The following BPI variants were observed in gnomAD, a reference collection of about 807,000 sequenced individuals.
The protein encoded by BPI is bactericidal permeability-increasing protein.
A neutral mutation model predicts 57.6 loss-of-function variants in BPI; 48 were observed. The ratio of observed to expected loss-of-function variants is 0.83; its 90% CI spans 0.66 to 1.06. The LOEUF (loss-of-function observed/expected upper bound fraction) is 1.06, where lower values mean the gene tolerates loss of function less well. BPI is among the 50% of genes least tolerant of loss of function. The pLI is 0.00. For synonymous variants in BPI, 237 were observed against 238.2 expected (o/e 0.99, Z 0.05); for missense variants, 651 against 609.7 (o/e 1.07, Z -0.71).
chr20:38,331,236 G>A (rs991125439), intron 12 of BPI, 146 bp downstream of exon 12: 44 of 993,520 alleles, frequency 4.4e-5, no homozygotes, highest in Non-Finnish European at 5.2e-5. Flanking sequence ...AAGGAGCTTC[G>A]TGGGCAGAGG....
At chr20:38,325,187 C>G (rs1277536634) in intron 9 of BPI, among the ~76,000 whole-genome samples, 3 of 152,204 alleles carry the variant, frequency 2.0e-5, no homozygotes, top group Admixed American at 2.0e-4. Context: ...AAAATATCAT[C>G]CAGATATCCA....
At chr20:38,336,708 A>G (rs1273445856) in intron 14 of BPI, among the ~76,000 whole-genome samples, 1 of 152,184 alleles carries the variant, frequency 6.6e-6, no homozygotes, top group East Asian at 1.9e-4. Flanking sequence ...CACATACCGC[A>G]TATTCCTCAC....
chr20:38,308,837 G>T, intron 2 of BPI, 93 bp from the exon 3 acceptor site: 1 of 1,500,416 alleles, frequency 6.7e-7, no homozygotes, highest in Non-Finnish European at 9.1e-7. Context: ...ACCAGGTGGT[G>T]GGGGACGAGT....
At chr20:38,317,765 T>C in intron 5 of BPI, 2 of 1,320,322 alleles carry the variant, frequency 1.5e-6, no homozygotes, top group Non-Finnish European at 2.1e-6. Flanking sequence ...GTTTTACAGA[T>C]GAAGAAATAG....
At chr20:38,310,796 G>T (rs2122499667) in intron 4 of BPI, 144 bp downstream of exon 4, 1 of 1,047,348 alleles carries the variant, frequency 9.5e-7, no homozygotes, top group Non-Finnish European at 1.4e-6. Flanking sequence ...GGGGGCCAGG[G>T]GCCCACAGAT....
At position 38,310,531 on chromosome 20, in the gene BPI, T is replaced by C; in HGVS notation, c.415T>C (p.Ser139Pro). The change falls in exon 4 of 15, where the codon TCC becomes CCC. Residue 139 changes from serine to proline, a missense_variant. Ser to Pro is a moderately conservative substitution (Grantham distance 74). Coordinates refer to ENST00000642449, the MANE Select transcript of BPI (RefSeq NM_001725.3). ...GNFDLSIEGM[S>P]ISADLKLGSN... The stretch of plus-strand genomic sequence containing the variant: ...TTTTGACCTGAGCATAGAAGGCATG[T>C]CCATTTCGGCTGATCTGAAGCTGGG... 1 of 1,614,156 alleles carries C rather than the reference T, an allele frequency of 6.2e-7. No homozygotes were observed. The highest frequency in any genetic ancestry group is 8.5e-7 in the Non-Finnish European group (1 of 1,179,996).
At chr20:38,313,048 A>T (rs926286963) in intron 5 of BPI, among the ~76,000 whole-genome samples, 1 of 152,110 alleles carries the variant, frequency 6.6e-6, no homozygotes, top group Non-Finnish European at 1.5e-5. Context: ...AACCTTGAGG[A>T]AATTACTTGA....
In BPI at chr20:38,310,642, A is replaced by G; in HGVS notation, c.526A>G (p.Ser176Gly). The change falls in exon 4 of 15, where the codon AGC becomes GGC. Residue 176 changes from serine to glycine, a missense_variant. By Grantham distance (56) the Ser-to-Gly change is moderately conservative (BLOSUM62 0). Transcript: ENST00000642449. ...INSVHVHISKSKVGWLIQLFH... is the reference protein window; with the variant it reads ...INSVHVHISKGKVGWLIQLFH... ...CAGTGTCCACGTGCACATCTCAAAG[A>G]GCAAAGTGGGGTATGGACTCCCGGG... is the stretch of plus-strand genomic sequence containing the variant. 1 of 1,612,786 alleles carries G rather than the reference A, an allele frequency of 6.2e-7. No individual in the cohort carries two copies.
Position 38,337,138 on chromosome 20 carries a change from C to A in BPI, c.1414-8C>A. Reference sequence around the variant, plus strand: ...TCAACTGGTGACAACATTCTCATCTCTCCCTAGAACTTCCTGCTGTTCGGT... The same window carrying A: ...TCAACTGGTGACAACATTCTCATCTATCCCTAGAACTTCCTGCTGTTCGGT... On this transcript the variant is annotated splice_polypyrimidine_tract_variant and splice_region_variant and intron_variant, in intron 14 of 14. Transcript: ENST00000642449. The A allele has an allele frequency of 6.2e-7, 1 of 1,602,174 alleles. No homozygotes were observed. The highest frequency in any genetic ancestry group is 8.5e-7 in the Non-Finnish European group (1 of 1,175,170).
chr20:38,318,440 T>C lies in BPI; in HGVS notation c.628T>C (p.Ser210Pro), dbSNP rs2076663576. Residue 210 changes from serine to proline, a missense_variant, in exon 6 of 15, where the codon TCC (serine) becomes CCC (proline). Physicochemically the swap from Ser to Pro is moderately conservative, Grantham distance 74. Coordinates refer to ENST00000642449, the MANE Select transcript of BPI (RefSeq NM_001725.3). ...QVCEKVTNSVSSELQPYFQTL... is the reference protein window; with the variant it reads ...QVCEKVTNSVPSELQPYFQTL... ...CTGCGAGAAAGTGACCAATTCTGTA[T>C]CCTCCGAGCTGCAACCTTATTTCCA... The C allele has an allele frequency of 1.2e-6, 2 of 1,613,782 alleles. No individual in the cohort carries two copies. Among genetic ancestry groups the C allele is most frequent in the African/African-American group, 2.7e-5 (2 of 74,902 alleles).
At chr20:38,324,202 C>G (rs919412427) in intron 8 of BPI, among the ~76,000 whole-genome samples, 156 bp downstream of exon 8, 4 of 152,184 alleles carry the variant, frequency 2.6e-5, no homozygotes, top group African/African-American at 7.2e-5. Context: ...CGGCCCCACC[C>G]CTCTCCAGCT....
chr20:38,327,065 A>G (rs1032999337), intron 10 of BPI, among the ~76,000 whole-genome samples: 1 of 152,146 alleles, frequency 6.6e-6, no homozygotes, highest in African/African-American at 2.4e-5. Context: ...ATCACTCCGC[A>G]AAGATTTGGT....
At position 38,315,254 on chromosome 20, in the gene BPI, C is replaced by T. The variant is rs143539694; in HGVS notation, c.601-3159C>T. On this transcript the variant is annotated intron_variant, in intron 5 of 14. Coordinates refer to ENST00000642449, the MANE Select transcript of BPI (RefSeq NM_001725.3). Reference sequence around the variant, plus strand: ...CAGGATACCCTGCCTCAGAGATGAGCCTCTCTCTTAACCATAAGATCCAAT... The same window carrying T: ...CAGGATACCCTGCCTCAGAGATGAGTCTCTCTCTTAACCATAAGATCCAAT... Among the ~76,000 whole-genome samples, 5 of 152,230 alleles carry T rather than the reference C, an allele frequency of 3.3e-5. No homozygotes were observed. The East Asian group carries it at 9.7e-4, about 29-fold the overall frequency.
chr20:38,309,121 A>G lies in BPI; in HGVS notation c.374+63A>G, dbSNP rs558691834. On this transcript the variant is annotated intron_variant, in intron 3 of 14. Coordinates refer to ENST00000642449, the MANE Select transcript of BPI (RefSeq NM_001725.3). ...TGGTGATATTTGGACGGGATTAGAG[A>G]GTCAGCGTCTCTGGAATGCCCAATT... The G allele has an allele frequency of 9.3e-6, 15 of 1,604,414 alleles. No homozygotes were observed. In the African/African-American group the frequency reaches 1.3e-4, roughly 14 times the overall value.
At position 38,307,866 on chromosome 20, in the gene BPI, G is replaced by A. The variant is rs1040001179; in HGVS notation, c.245+185G>A. 3.9e-5 allele frequency among the ~76,000 whole-genome samples: 6 copies of A among 152,234 alleles called. No individual in the cohort carries two copies. In the East Asian group the frequency reaches 7.7e-4, roughly 20 times the overall value. ...GCGTGGAGGAAGCCACAAAAACCACGACTCCCAGGAAGTGTGTCATGAACC... is the reference window on the plus strand; with the variant it reads ...GCGTGGAGGAAGCCACAAAAACCACAACTCCCAGGAAGTGTGTCATGAACC... On this transcript the variant is annotated intron_variant, in intron 2 of 14. Transcript: ENST00000642449.
rs1252555645 is a variant in BPI, at chr20:38,312,000, T to A, written c.600+63T>A. On this transcript the variant is annotated intron_variant, in intron 5 of 14. Coordinates refer to ENST00000642449, the MANE Select transcript of BPI (RefSeq NM_001725.3). Reference sequence around the variant, plus strand: ...GAAGGGCCCTTAGTAACCACACACCTCCCCCTTCTACGGACACTCTGCTGT... The same window carrying A: ...GAAGGGCCCTTAGTAACCACACACCACCCCCTTCTACGGACACTCTGCTGT... 4 of 1,508,976 alleles carry A rather than the reference T, an allele frequency of 2.7e-6. 1 individual carries two copies. In the Admixed American group the frequency reaches 6.7e-5, roughly 25 times the overall value. 93.5% of individuals were successfully genotyped at this position (1,508,976 alleles called of 1,614,324 possible). A position where few individuals can be genotyped will look rare whatever the true frequency, so the allele number is the denominator to read the frequency against.
intron 14 of BPI, among the ~76,000 whole-genome samples, chr20:38,336,143 T>C (rs1353875200): frequency 6.6e-6 from 1 of 152,160 alleles, no homozygotes; most frequent in African/African-American, 2.4e-5. Flanking sequence ...TTGACACTGA[T>C]GCGCTTCCTG....
Position 38,320,148 on chromosome 20 carries a change from G to A in BPI, c.665-35G>A, listed in dbSNP as rs1568814151. ...TTCAGCTTCCAGCGATGCTGCCGTGGGAGCCAGCTCATGGTCCATTTTCTT... is the reference window on the plus strand; with the variant it reads ...TTCAGCTTCCAGCGATGCTGCCGTGAGAGCCAGCTCATGGTCCATTTTCTT... On this transcript the variant is annotated intron_variant, in intron 6 of 14. Coordinates refer to ENST00000642449, the MANE Select transcript of BPI (RefSeq NM_001725.3). 1.9e-6 allele frequency: 3 copies of A among 1,548,634 alleles called. No homozygotes were observed. The African/African-American group carries it at 4.1e-5, about 21-fold the overall frequency.
intron 14 of BPI, among the ~76,000 whole-genome samples, chr20:38,336,418 G>T (rs148300153): frequency 6.6e-6 from 1 of 151,810 alleles, no homozygotes; most frequent in Admixed American, 6.6e-5. Flanking sequence ...TTGTGCATTC[G>T]CAGGCTCCCT....
Sources: allele counts gnomAD v4.1 joint callset (sites outside exome capture counted in the v4.1 genomes callset), GRCh38; gene constraint gnomAD v4.1.1; transcripts MANE v1.5; gene names NCBI Gene and HGNC (gene_info 2026-07-23, HGNC 2026-07-21).